The following EXOC4 variants were observed in gnomAD, a reference collection of about 807,000 sequenced individuals.
EXOC4 encodes SEC8-like 1.
EXOC4 carries 71 observed loss-of-function variants against 107.2 expected under a neutral mutation model. The ratio of observed to expected loss-of-function variants is 0.66; its 90% confidence interval spans 0.55 to 0.81. The LOEUF (loss-of-function observed/expected upper bound fraction) is 0.81, where lower values mean the gene tolerates loss of function less well. Ranked by LOEUF, EXOC4 falls within the 30% of genes least tolerant of loss-of-function variation. The pLI is 0.00. For synonymous variants in EXOC4, 456 were observed against 441.2 expected (o/e 1.03, Z -0.42); for missense variants, 1,108 against 1,189.6 (o/e 0.93, Z 1.01).
chr7:133,774,416 A>G (rs1796304617), intron 10 of EXOC4, among the ~76,000 whole-genome samples: 2 of 152,154 alleles, frequency 1.3e-5, no homozygotes, highest in African/African-American at 4.8e-5. Context: ...ACCAAAGATG[A>G]CGAGATAGTA....
At chr7:134,015,868 C>T (rs541395490) in intron 17 of EXOC4, among the ~76,000 whole-genome samples, 129 of 92,130 alleles carry the variant, frequency 1.4e-3, no homozygotes, top group Middle Eastern at 4.5e-3. Context: ...AGCAAGACTC[C>T]GTCTCAAAAA....
chr7:133,995,381 C>T (rs149831149), intron 14 of EXOC4, among the ~76,000 whole-genome samples: 2 of 152,126 alleles, frequency 1.3e-5, no homozygotes, highest in South Asian at 2.1e-4. Flanking sequence ...CTCATTGATA[C>T]GTAGATAACT....
At chr7:133,910,741 G>A (rs766519129) in intron 12 of EXOC4, among the ~76,000 whole-genome samples, 2 of 152,164 alleles carry the variant, frequency 1.3e-5, no homozygotes, top group African/African-American at 4.8e-5. Context: ...TTGGACGACG[G>A]CACTTTACTT....
At chr7:133,710,063 T>A (rs2151095469) in intron 10 of EXOC4, among the ~76,000 whole-genome samples, 1 of 152,354 alleles carries the variant, frequency 6.6e-6, no homozygotes, top group African/African-American at 2.4e-5. Flanking sequence ...TGTTGTCATT[T>A]TTATCAGCCA....
chr7:134,062,410 T>C (rs1376672571), intron 17 of EXOC4, among the ~76,000 whole-genome samples: 1 of 152,178 alleles, frequency 6.6e-6, no homozygotes, highest in Non-Finnish European at 1.5e-5. Flanking sequence ...AATGTATTTC[T>C]TACCACAAAG....
intron 7 of EXOC4, among the ~76,000 whole-genome samples, chr7:133,394,314 A>T (rs549276899): frequency 1.3e-5 from 2 of 152,188 alleles, no homozygotes; most frequent in East Asian, 3.9e-4. Context: ...TAATTTTCTT[A>T]CTCGTATTTA....
At chr7:133,628,190 T>C (rs1563132292) in intron 9 of EXOC4, among the ~76,000 whole-genome samples, 1 of 152,180 alleles carries the variant, frequency 6.6e-6, no homozygotes, top group Non-Finnish European at 1.5e-5. Context: ...TGAGAAATAA[T>C]TAAGGTAGAT....
intron 10 of EXOC4, among the ~76,000 whole-genome samples, chr7:133,674,369 G>C (rs1163898952): frequency 1.3e-5 from 2 of 152,090 alleles, no homozygotes; most frequent in African/African-American, 4.8e-5. Context: ...GGTGGGGTCA[G>C]GGTTGCTGGA....
At position 133,801,609 on chromosome 7, in the gene EXOC4, C is replaced by T. The variant is rs551157142; in HGVS notation, c.1515-15716C>T. ...GTTAAACCAAATTTAATCTCATTAG[C>T]AGGGTAATTGTGCTGTTAGGGGAAA... is the stretch of plus-strand genomic sequence containing the variant. On this transcript the variant is annotated intron_variant, in intron 10 of 17. Coordinates refer to ENST00000253861, the MANE Select transcript of EXOC4 (RefSeq NM_021807.4). Among the ~76,000 whole-genome samples, 3 of 152,312 alleles carry T rather than the reference C, an allele frequency of 2.0e-5. No homozygotes were observed. In the East Asian group the frequency reaches 5.8e-4, roughly 29 times the overall value.
intron 1 of EXOC4, among the ~76,000 whole-genome samples, chr7:133,257,558 A>T (rs1795048114): frequency 6.6e-6 from 1 of 152,210 alleles, no homozygotes; most frequent in African/African-American, 2.4e-5. Flanking sequence ...TGTGTCTGCC[A>T]CTTACTGTTA....
At chr7:133,698,141 G>A (rs774807122) in intron 10 of EXOC4, among the ~76,000 whole-genome samples, 1 of 151,870 alleles carries the variant, frequency 6.6e-6, no homozygotes, top group Non-Finnish European at 1.5e-5. Flanking sequence ...GTTGATTTAT[G>A]TGTGTGACCT....
At chr7:133,464,442 A>G (rs533530939) in intron 7 of EXOC4, among the ~76,000 whole-genome samples, 3 of 152,280 alleles carry the variant, frequency 2.0e-5, no homozygotes, top group Non-Finnish European at 2.9e-5. Context: ...ATGAATTTCT[A>G]TTTTAAAGGA....
chr7:133,393,094 C>T (rs914644550), intron 7 of EXOC4, among the ~76,000 whole-genome samples: 1 of 152,108 alleles, frequency 6.6e-6, no homozygotes, highest in African/African-American at 2.4e-5. Context: ...TGTCCTTGCC[C>T]TCATCTCTGA....
At chr7:133,716,467 G>A (rs181249077) in intron 10 of EXOC4, among the ~76,000 whole-genome samples, 3 of 152,286 alleles carry the variant, frequency 2.0e-5, no homozygotes, top group Non-Finnish European at 2.9e-5. Context: ...CCTATTCACA[G>A]AATAGTGTAT....
intron 13 of EXOC4, among the ~76,000 whole-genome samples, chr7:133,928,517 C>T (rs1421069190): frequency 6.6e-6 from 1 of 152,104 alleles, no homozygotes; most frequent in Non-Finnish European, 1.5e-5. Flanking sequence ...CTTCCTAGTC[C>T]ACCATCCTCT....
chr7:133,389,895 CA>C (rs34692720), intron 7 of EXOC4, among the ~76,000 whole-genome samples: 3,522 of 129,546 alleles, frequency 0.027, 106 homozygotes, highest in African/African-American at 0.087. Flanking sequence ...GGCAGCAGGC[CA>C]AAAAAAAAAA....
intron 9 of EXOC4, among the ~76,000 whole-genome samples, chr7:133,520,970 T>C (rs1301309378): frequency 6.6e-6 from 1 of 152,154 alleles, no homozygotes; most frequent in African/African-American, 2.4e-5. Flanking sequence ...CTGTTGGTGA[T>C]GATGTATAAA....
intron 12 of EXOC4, among the ~76,000 whole-genome samples, chr7:133,911,887 C>T (rs976217238): frequency 6.6e-6 from 1 of 152,078 alleles, no homozygotes; most frequent in Non-Finnish European, 1.5e-5. Context: ...ACCACACAGC[C>T]AAGATTCTTT....
intron 9 of EXOC4, among the ~76,000 whole-genome samples, chr7:133,517,565 C>T (rs1280599808): frequency 6.6e-6 from 1 of 152,060 alleles, no homozygotes; most frequent in African/African-American, 2.4e-5. Context: ...AGGTGAAAGG[C>T]ACATCTCACA....
Sources: gnomAD v4.1 joint callset for allele counts (sites outside exome capture counted in the v4.1 genomes callset) on GRCh38, gnomAD v4.1.1 for gene constraint, MANE v1.5 for transcripts, NCBI Gene and HGNC (gene_info 2026-07-23, HGNC 2026-07-21) for gene names.